The following VWC2 variants were observed in gnomAD, a reference collection of about 807,000 sequenced individuals.
VWC2 encodes the protein brorin.
A neutral mutation model predicts 29.8 loss-of-function variants in VWC2; 14 were observed. The ratio of observed to expected loss-of-function variants is 0.47; its 90% CI spans 0.31 to 0.74. VWC2 has a LOEUF of 0.74. Among genes scored for constraint, VWC2 ranks in the 30% least tolerant of loss-of-function variants. The pLI is 0.05. For missense variants in VWC2, 457 were observed against 459.8 expected, an observed-to-expected ratio of 0.99 and a Z score of 0.05; for synonymous variants, 213 against 199.0, an observed-to-expected ratio of 1.07 and a Z score of -0.59.
chr7:49,899,210 C>T (rs1230223868), intron 3 of VWC2, among the ~76,000 whole-genome samples: 1 of 151,860 alleles, frequency 6.6e-6, no homozygotes, highest in East Asian at 1.9e-4. Flanking sequence ...ATGTTTTTCC[C>T]TTATAATAAT....
intron 2 of VWC2, among the ~76,000 whole-genome samples, chr7:49,789,272 G>GGT (rs1004536016): frequency 1.1e-4 from 15 of 130,530 alleles, no homozygotes; most frequent in African/African-American, 2.8e-4. Flanking sequence ...TGTGTGAGCG[G>GGT]GTGTGTGTGA....
At chr7:49,861,382 G>A (rs1019484421) in intron 3 of VWC2, among the ~76,000 whole-genome samples, 5 of 151,932 alleles carry the variant, frequency 3.3e-5, no homozygotes, top group African/African-American at 1.2e-4. Context: ...TTTATATTTT[G>A]AATATTAAGC....
chr7:49,793,490 C>G (rs1485169623), intron 2 of VWC2, among the ~76,000 whole-genome samples: 5 of 152,056 alleles, frequency 3.3e-5, no homozygotes, highest in Admixed American at 6.5e-5. Context: ...TATTCATGAG[C>G]CTGTATCTGT....
chr7:49,836,078 T>C (rs1185548248), intron 3 of VWC2, among the ~76,000 whole-genome samples: 2 of 152,220 alleles, frequency 1.3e-5, no homozygotes, highest in Non-Finnish European at 2.9e-5. Flanking sequence ...TTTGTTTTCA[T>C]TCTGAGTTCA....
intron 3 of VWC2, among the ~76,000 whole-genome samples, chr7:49,847,650 A>G (rs1789995536): frequency 1.3e-5 from 2 of 152,230 alleles, no homozygotes; most frequent in Non-Finnish European, 2.9e-5. Context: ...GTCAGGAGGC[A>G]GAAGAAGCTG....
At chr7:49,801,060 C>G (rs1788726619) in intron 2 of VWC2, among the ~76,000 whole-genome samples, 1 of 152,186 alleles carries the variant, frequency 6.6e-6, no homozygotes, top group Non-Finnish European at 1.5e-5. Context: ...TACACACACT[C>G]CTTAGCCCTC....
intron 2 of VWC2, among the ~76,000 whole-genome samples, chr7:49,792,662 G>C (rs1304487139): frequency 6.6e-6 from 1 of 152,160 alleles, no homozygotes; most frequent in Non-Finnish European, 1.5e-5. Flanking sequence ...TCCTACCCTT[G>C]CTCTGGAAGC....
chr7:49,887,447 A>T (rs1791949900), intron 3 of VWC2, among the ~76,000 whole-genome samples: 1 of 152,194 alleles, frequency 6.6e-6, no homozygotes, highest in Admixed American at 6.5e-5. Flanking sequence ...TATATAATTG[A>T]TTTATTAGTG....
intron 3 of VWC2, among the ~76,000 whole-genome samples, chr7:49,816,084 C>T (rs867230817): frequency 2.0e-5 from 3 of 151,886 alleles, no homozygotes; most frequent in Admixed American, 1.3e-4. Context: ...AGGGTGGGAG[C>T]GGACCATATT....
chr7:49,896,910 A>G (rs1792412878), intron 3 of VWC2, among the ~76,000 whole-genome samples: 1 of 113,526 alleles, frequency 8.8e-6, no homozygotes, highest in African/African-American at 3.4e-5. Context: ...TTTTTTTGAG[A>G]CGGAGTCTCG....
At chr7:49,777,181 G>A (rs112820672) in intron 2 of VWC2, among the ~76,000 whole-genome samples, 6 of 152,318 alleles carry the variant, frequency 3.9e-5, no homozygotes, top group African/African-American at 1.4e-4. Context: ...GACTTACCAG[G>A]CCATAGCTGT....
chr7:49,834,786 G>A (rs778406434), intron 3 of VWC2, among the ~76,000 whole-genome samples: 1 of 152,188 alleles, frequency 6.6e-6, no homozygotes. Context: ...AGGCCCCAAG[G>A]ATTGGAGTCG....
intron 3 of VWC2, among the ~76,000 whole-genome samples, chr7:49,807,051 C>T (rs888556929): frequency 1.3e-5 from 2 of 152,088 alleles, no homozygotes; most frequent in African/African-American, 4.8e-5. Context: ...CAAATAACAT[C>T]ATACAAATCA....
intron 3 of VWC2, among the ~76,000 whole-genome samples, chr7:49,898,097 T>C (rs1391612722): frequency 3.3e-5 from 5 of 152,128 alleles, no homozygotes; most frequent in African/African-American, 1.2e-4. Flanking sequence ...ACAACCATTA[T>C]GTATGCTTTA....
rs1354573806 is a variant in VWC2 at position 49,913,648 on chromosome 7, C to T, written c.*1463C>T. On this transcript the variant is annotated 3_prime_UTR_variant, in exon 4 of 4. Transcript: ENST00000340652. ...TTGATTTCTTGCCTTCTTGGACTTT[C>T]GGTCTCTGGCATAAGAAGTATATGA... 3 of 152,240 alleles carry T rather than the reference C, an allele frequency of 2.0e-5. No homozygotes were observed. The highest frequency in any genetic ancestry group is 7.2e-5 in the African/African-American group (3 of 41,550). 9.4% of individuals were successfully genotyped at this position (152,240 alleles called of 1,614,324 possible).
intron 3 of VWC2, among the ~76,000 whole-genome samples, chr7:49,803,750 G>A (rs1472476977): frequency 1.3e-5 from 2 of 152,054 alleles, no homozygotes; most frequent in Admixed American, 6.5e-5. Flanking sequence ...ATGTGTTGGT[G>A]GATGGTGACA....
chr7:49,868,062 G>A (rs1583711707), intron 3 of VWC2, among the ~76,000 whole-genome samples: 1 of 151,968 alleles, frequency 6.6e-6, no homozygotes, highest in Admixed American at 6.5e-5. Flanking sequence ...TCAAACTCCC[G>A]ACCTCAAATG....
chr7:49,854,199 G>C (rs190242896), intron 3 of VWC2, among the ~76,000 whole-genome samples: 1 of 152,294 alleles, frequency 6.6e-6, no homozygotes, highest in African/African-American at 2.4e-5. Context: ...CTTTATAGCA[G>C]CATGATTTAT....
At chr7:49,900,794 C>T (rs761046083) in intron 3 of VWC2, among the ~76,000 whole-genome samples, 3 of 151,766 alleles carry the variant, frequency 2.0e-5, no homozygotes, top group Admixed American at 1.3e-4. Context: ...CCAAACCAGA[C>T]ATAGACACTA....
Sources: gnomAD v4.1 joint callset for allele counts (sites outside exome capture counted in the v4.1 genomes callset) on GRCh38, gnomAD v4.1.1 for gene constraint, MANE v1.5 for transcripts, NCBI Gene and HGNC (gene_info 2026-07-23, HGNC 2026-07-21) for gene names.